The following CSNK2A2 variants were observed in gnomAD, a reference collection of about 807,000 sequenced individuals.
CSNK2A2 encodes casein kinase II subunit alpha'.
A neutral mutation model predicts 54.0 loss-of-function variants in CSNK2A2; 8 were observed. That is an observed-to-expected ratio of 0.15 (90% CI 0.09 to 0.27). The LOEUF (loss-of-function observed/expected upper bound fraction) is 0.27, where lower values mean the gene tolerates loss of function less well. Ranked by LOEUF, CSNK2A2 falls within the 10% of genes least tolerant of loss-of-function variation. CSNK2A2 has a pLI of 1.00. For missense variants in CSNK2A2, 242 were observed against 439.4 expected (o/e 0.55, Z 4.02); for synonymous variants, 141 against 153.9 (o/e 0.92, Z 0.62).
intron 11 of CSNK2A2, chr16:58,160,164 T>G (rs1961292476): frequency 6.6e-6 from 1 of 152,192 alleles, no homozygotes; most frequent in African/African-American, 2.4e-5. Context: ...CTCGGGGTTA[T>G]TTTTTTCTAA....
At chr16:58,193,407 T>C (rs1388692251) in intron 2 of CSNK2A2, among the ~76,000 whole-genome samples, 2 of 152,212 alleles carry the variant, frequency 1.3e-5, no homozygotes, top group Non-Finnish European at 2.9e-5. Context: ...CCACCCTTTG[T>C]TTAAAGCTAA....
intron 2 of CSNK2A2, among the ~76,000 whole-genome samples, chr16:58,190,633 T>C (rs1014974987): frequency 6.6e-6 from 1 of 152,188 alleles, no homozygotes; most frequent in African/African-American, 2.4e-5. Flanking sequence ...CTGTTTACTC[T>C]CAGGAGTTAA....
In CSNK2A2 at chr16:58,197,357, C is replaced by A. The variant is rs1213045025; in HGVS notation, c.104+276G>T. ...GTGAGGAAGGGCAGCTCCCTCACTT[C>A]CACCCGGCGTCGATCCCTGGACCCC... On this transcript the variant is annotated intron_variant, in intron 1 of 11. Coordinates refer to ENST00000262506, the MANE Select transcript of CSNK2A2 (RefSeq NM_001896.4). This position sits in a 1 kb window ranked among gnomAD's most constrained non-coding sequence, Gnocchi z 4.0. Among the ~76,000 whole-genome samples the A allele has an allele frequency of 6.6e-6, 1 of 152,238 alleles. No homozygotes were observed. Among genetic ancestry groups the A allele is most frequent in the Non-Finnish European group, 1.5e-5 (1 of 68,048 alleles).
intron 2 of CSNK2A2, among the ~76,000 whole-genome samples, chr16:58,195,473 A>T (rs1235496756): frequency 6.6e-6 from 1 of 151,658 alleles, no homozygotes; most frequent in African/African-American, 2.4e-5. Context: ...AGCACACAGA[A>T]ACAGCTTTTC....
chr16:58,162,533 A>C (rs1341521661), intron 11 of CSNK2A2: 3 of 152,252 alleles, frequency 2.0e-5, no homozygotes, highest in Non-Finnish European at 4.4e-5. Context: ...TACCAATACC[A>C]ATAAGATTTT....
chr16:58,164,022 G>A, intron 11 of CSNK2A2, 32 bp downstream of exon 11: 1 of 1,522,528 alleles, frequency 6.6e-7, no homozygotes, highest in Non-Finnish European at 9.1e-7. Context: ...TTGGTTGGTT[G>A]GTTTTATTGG....
intron 11 of CSNK2A2, chr16:58,161,325 T>G (rs776648578): frequency 1.2e-4 from 19 of 152,224 alleles, no homozygotes; most frequent in Non-Finnish European, 2.6e-4. Context: ...GAGATGATAG[T>G]ATAACACTAC....
intron 2 of CSNK2A2, among the ~76,000 whole-genome samples, chr16:58,195,854 C>T (rs1168177412): frequency 2.0e-5 from 3 of 152,166 alleles, no homozygotes; most frequent in East Asian, 1.9e-4. Flanking sequence ...ATGAACTCTT[C>T]TATATTTTTA....
intron 4 of CSNK2A2, among the ~76,000 whole-genome samples, chr16:58,178,768 T>TA (rs1343730102): frequency 2.0e-5 from 3 of 152,132 alleles, no homozygotes; most frequent in Admixed American, 1.3e-4. Context: ...ACCTCTACCA[T>TA]AAAGTGAAAT....
intron 11 of CSNK2A2, chr16:58,163,600 C>G (rs1407844124): frequency 6.6e-6 from 1 of 152,206 alleles, no homozygotes; most frequent in Non-Finnish European, 1.5e-5. Context: ...GTTTTAATAT[C>G]TCCTTTTTGT....
At chr16:58,187,172 C>G (rs1962212808) in intron 2 of CSNK2A2, among the ~76,000 whole-genome samples, 1 of 150,714 alleles carries the variant, frequency 6.6e-6, no homozygotes, top group Non-Finnish European at 1.5e-5. Flanking sequence ...AGATAACTGC[C>G]AAGTGGAAAA....
chr16:58,184,426 C>G, intron 3 of CSNK2A2, 116 bp from the exon 4 acceptor site: 2 of 637,244 alleles, frequency 3.1e-6, no homozygotes, highest in Non-Finnish European at 5.4e-6. Context: ...ATTCACTCAT[C>G]AGGGACAGCC....
In CSNK2A2 at chr16:58,166,611, T is replaced by C; in HGVS notation, c.800A>G (p.Asp267Gly). Reference protein sequence around the residue: ...GYLKKYHIDLDPHFNDILGQH... With the variant: ...GYLKKYHIDLGPHFNDILGQH... The stretch of plus-strand genomic sequence containing the variant: ...TCCCAGGATATCGTTGAAGTGTGGA[T>C]CTAGGTCTATGTGATACTTCTTCAG... The change falls in exon 9 of 12, where the codon GAT becomes GGT. Residue 267 changes from aspartate (D) to glycine (G), a missense_variant. This residue lies in a region of CSNK2A2 where 81 missense variants were observed against 135.0 expected (regional missense o/e 0.60). Transcript: ENST00000262506. 1 of 1,612,802 alleles carries C rather than the reference T, an allele frequency of 6.2e-7. No homozygotes were observed. The highest frequency in any genetic ancestry group is 8.5e-7 in the Non-Finnish European group (1 of 1,178,842).
At chr16:58,182,404 A>AAAAAC (rs1567470360) in intron 4 of CSNK2A2, among the ~76,000 whole-genome samples, 7 of 139,866 alleles carry the variant, frequency 5.0e-5, no homozygotes, top group Non-Finnish European at 1.1e-4. Context: ...AAAAAAAAAA[A>AAAAAC]ACTAGCCAGG....
At chr16:58,188,507 G>A (rs879409503) in intron 2 of CSNK2A2, among the ~76,000 whole-genome samples, 2 of 152,206 alleles carry the variant, frequency 1.3e-5, no homozygotes, top group South Asian at 2.1e-4. Context: ...CTTTTAAAAT[G>A]TGACAACTGA....
chr16:58,176,492 G>A (rs548307656), intron 4 of CSNK2A2, among the ~76,000 whole-genome samples: 194 of 152,292 alleles, frequency 1.3e-3, no homozygotes, highest in Non-Finnish European at 1.1e-3. Flanking sequence ...GGATCTCCGG[G>A]TAGGAGGAGA....
At chr16:58,179,939 C>T (rs1030299610) in intron 4 of CSNK2A2, among the ~76,000 whole-genome samples, 3 of 151,552 alleles carry the variant, frequency 2.0e-5, no homozygotes, top group Non-Finnish European at 4.4e-5. Context: ...ATTAGCCAGG[C>T]ATGGTGGCAC....
intron 4 of CSNK2A2, among the ~76,000 whole-genome samples, chr16:58,179,084 A>T (rs1335186896): frequency 6.6e-6 from 1 of 152,222 alleles, no homozygotes; most frequent in Non-Finnish European, 1.5e-5. Context: ...TTGGTATACT[A>T]AAAGTATTGT....
At chr16:58,171,845 TG>T (rs201610713) in intron 5 of CSNK2A2, among the ~76,000 whole-genome samples, 5,443 of 149,942 alleles carry the variant, frequency 0.036, 143 homozygotes, top group East Asian at 0.084. Context: ...TAGAGTGCAG[TG>T]GCATGATCTC....
Sources: allele counts gnomAD v4.1 joint callset (sites outside exome capture counted in the v4.1 genomes callset), GRCh38; gene constraint gnomAD v4.1.1; regional missense constraint gnomAD v4.1.1; non-coding constraint Gnocchi (gnomAD v3.1); transcripts MANE v1.5; gene names NCBI Gene and HGNC (gene_info 2026-07-23, HGNC 2026-07-21).